Variants in CATSPERB observed in about 807,000 individuals in gnomAD.
CATSPERB encodes cation channel sperm-associated auxiliary subunit beta.
A neutral mutation model predicts 128.3 loss-of-function variants in CATSPERB; 93 were observed. The observed-to-expected ratio is 0.72, with a 90% CI of 0.61 to 0.86. CATSPERB has a LOEUF of 0.86. CATSPERB is among the 40% of genes least tolerant of loss of function. The pLI, the probability that CATSPERB is intolerant of heterozygous loss-of-function variation, is 0.00. For missense variants in CATSPERB, 1,153 were observed against 1,329.5 expected (o/e 0.87, Z 2.06); for synonymous variants, 381 against 448.8 (o/e 0.85, Z 1.91).
intron 16 of CATSPERB, 133 bp downstream of exon 16, chr14:91,638,963 G>C: frequency 1.4e-6 from 1 of 740,574 alleles, no homozygotes; most frequent in Non-Finnish European, 2.1e-6. Context: ...TCTTCCTTTA[G>C]TTAAATAGAG....
intron 5 of CATSPERB, among the ~76,000 whole-genome samples, chr14:91,718,923 G>A (rs1895986028): frequency 6.6e-6 from 1 of 151,876 alleles, no homozygotes; most frequent in African/African-American, 2.4e-5. Context: ...AGATCTACTA[G>A]GTCAGTTCAC....
intron 11 of CATSPERB, among the ~76,000 whole-genome samples, chr14:91,676,112 AG>A (rs1895189346): frequency 6.6e-6 from 1 of 152,210 alleles, no homozygotes; most frequent in Non-Finnish European, 1.5e-5. Flanking sequence ...GTTAAAAAAA[AG>A]GCTATATTGG....
At chr14:91,684,902 C>T (rs544209872) in intron 10 of CATSPERB, among the ~76,000 whole-genome samples, 55 of 152,108 alleles carry the variant, frequency 3.6e-4, no homozygotes, top group African/African-American at 1.3e-3. Context: ...TAGGTGTGAG[C>T]CACTGCGCTG....
intron 17 of CATSPERB, among the ~76,000 whole-genome samples, chr14:91,635,190 C>T (rs554868612): frequency 1.2e-4 from 19 of 152,140 alleles, no homozygotes; most frequent in African/African-American, 4.3e-4. Context: ...TAGTCACCTA[C>T]CAAGGGCCCC....
At chr14:91,616,628 T>C (rs1893939464) in intron 20 of CATSPERB, among the ~76,000 whole-genome samples, 1 of 151,830 alleles carries the variant, frequency 6.6e-6, no homozygotes, top group African/African-American at 2.4e-5. Context: ...CTTTATTCTA[T>C]CACAATTTCA....
chr14:91,586,197 C>T (rs140209842), intron 26 of CATSPERB, among the ~76,000 whole-genome samples: 1,775 of 152,276 alleles, frequency 0.012, 32 homozygotes, highest in African/African-American at 0.041. Context: ...TTCTCCAGCC[C>T]TCTTCTCATA....
At chr14:91,722,119 A>C (rs1275830451) in intron 4 of CATSPERB, among the ~76,000 whole-genome samples, 2 of 152,222 alleles carry the variant, frequency 1.3e-5, no homozygotes, top group Admixed American at 6.5e-5. Flanking sequence ...CACTTTAGAA[A>C]ACAGTCTGGC....
At chr14:91,671,131 G>C (rs1315275319) in intron 13 of CATSPERB, among the ~76,000 whole-genome samples, 2 of 152,100 alleles carry the variant, frequency 1.3e-5, no homozygotes, top group African/African-American at 4.8e-5. Flanking sequence ...AAATGAGGCT[G>C]ACAGAAATTC....
intron 14 of CATSPERB, among the ~76,000 whole-genome samples, chr14:91,666,334 G>A (rs542306140): frequency 1.3e-5 from 2 of 152,308 alleles, no homozygotes; most frequent in East Asian, 1.9e-4. Context: ...TGGATAGAGC[G>A]AGATAGCCAG....
chr14:91,693,764 T>C (rs577583080), intron 7 of CATSPERB, among the ~76,000 whole-genome samples: 4 of 152,342 alleles, frequency 2.6e-5, no homozygotes, highest in African/African-American at 9.6e-5. Context: ...ACTGTATCTT[T>C]TTTTACGTAG....
intron 26 of CATSPERB, among the ~76,000 whole-genome samples, chr14:91,584,530 G>A (rs896693060): frequency 2.6e-5 from 4 of 152,104 alleles, no homozygotes; most frequent in Non-Finnish European, 4.4e-5. Context: ...CAAGGTTCCT[G>A]CTGTTATCAC....
At chr14:91,680,839 C>T (rs1382721119) in intron 11 of CATSPERB, among the ~76,000 whole-genome samples, 1 of 152,070 alleles carries the variant, frequency 6.6e-6, no homozygotes, top group Non-Finnish European at 1.5e-5. Flanking sequence ...CAAGGGAACC[C>T]CAAGAAAAAC....
chr14:91,582,335 A>G (rs1893219766), intron 26 of CATSPERB, among the ~76,000 whole-genome samples: 1 of 152,106 alleles, frequency 6.6e-6, no homozygotes, highest in South Asian at 2.1e-4. Flanking sequence ...TTGGACCCTA[A>G]CCTACCTGGC....
rs928610055 is a variant in CATSPERB, at chr14:91,669,847, G to T, written c.1254C>A (p.Pro418=). The stretch of plus-strand genomic sequence containing the variant: ...CATAAGCATACAAAAAGTGGCTTCG[G>T]GGATGAAATACCATTCCAACGGGAG... ...FSSPVGMVFH[P]RSHFLYAYGN... is the part of the protein sequence containing the mutation. Residue 418 remains proline, a synonymous_variant, in exon 14 of 27, where the codon CCC becomes CCA. Coordinates refer to ENST00000256343, the MANE Select transcript of CATSPERB (RefSeq NM_024764.4). 1 of 1,612,888 alleles carries T rather than the reference G, an allele frequency of 6.2e-7. No individual in the cohort carries two copies. The highest frequency in any genetic ancestry group is 8.5e-7 in the Non-Finnish European group (1 of 1,179,676).
In CATSPERB at chr14:91,589,550, C is replaced by T. The variant is rs559012581; in HGVS notation, c.2940G>A (p.Arg980=). The change falls in exon 24 of 27, where the codon AGG becomes AGA. Residue 980 remains arginine, a synonymous_variant. Transcript: ENST00000256343. ...AAACCCTACTCAGTTTCCAGTTGTGCCTCATGTTCACTTCAGTCACAGTAA... is the reference window on the plus strand; with the variant it reads ...AAACCCTACTCAGTTTCCAGTTGTGTCTCATGTTCACTTCAGTCACAGTAA... ...YLVTVTEVNM[R]HNWKLKHTVP... The T allele has an allele frequency of 6.2e-6, 10 of 1,612,560 alleles. No individual in the cohort carries two copies. In the Admixed American group the frequency reaches 1.3e-4, roughly 22 times the overall value.
chr14:91,606,168 T>C (rs1290311001), intron 22 of CATSPERB, among the ~76,000 whole-genome samples: 4 of 151,748 alleles, frequency 2.6e-5, no homozygotes, highest in Non-Finnish European at 4.4e-5. Context: ...AGAGCAAGAC[T>C]CCGTCTCAAA....
At chr14:91,729,559 G>T in intron 1 of CATSPERB, 80 bp from the exon 2 acceptor site, 2 of 670,516 alleles carry the variant, frequency 3.0e-6, no homozygotes, top group South Asian at 2.4e-5. Context: ...CAACTACAAA[G>T]TAGTAAAGAA....
intron 20 of CATSPERB, among the ~76,000 whole-genome samples, chr14:91,616,733 CTTTT>C (rs1555360386): frequency 2.4e-5 from 2 of 84,480 alleles, no homozygotes; most frequent in Non-Finnish European, 4.5e-5. Flanking sequence ...AAGTATTCCC[CTTTT>C]TTTTTTTTTT....
intron 14 of CATSPERB, among the ~76,000 whole-genome samples, chr14:91,663,405 G>A (rs556102785): frequency 2.0e-5 from 3 of 152,016 alleles, no homozygotes; most frequent in South Asian, 2.1e-4. Context: ...GTGCTCAAAC[G>A]GAGGCTGAGG....
Sources: gnomAD v4.1 joint callset for allele counts (sites outside exome capture counted in the v4.1 genomes callset) on GRCh38, gnomAD v4.1.1 for gene constraint, MANE v1.5 for transcripts, NCBI Gene and HGNC (gene_info 2026-07-23, HGNC 2026-07-21) for gene names.